Variants in ANKLE1 observed in about 807,000 individuals in gnomAD.
ANKLE1 encodes the protein structure-specific endonuclease ANKLE1.
A neutral mutation model predicts 56.2 loss-of-function variants in ANKLE1; 59 were observed. The observed-to-expected ratio is 1.05, with a 90% CI of 0.85 to 1.30. The LOEUF (loss-of-function observed/expected upper bound fraction) is 1.30. Among genes scored for constraint, ANKLE1 ranks in the 50% most tolerant of loss-of-function variants. The pLI is 0.00. For missense variants in ANKLE1, 771 were observed against 816.1 expected, an observed-to-expected ratio of 0.94 and a Z score of 0.67; for synonymous variants, 341 against 352.9, an observed-to-expected ratio of 0.97 and a Z score of 0.38.
In ANKLE1 at chr19:17,286,679, TG is replaced by T; in HGVS notation, c.*128del. 2 of 977,334 alleles carry T rather than the reference TG, an allele frequency of 2.0e-6. No individual in the cohort carries two copies. Among genetic ancestry groups the T allele is most frequent in the Admixed American group, 2.5e-5 (1 of 39,282 alleles). 60.5% of individuals were successfully genotyped at this position (977,334 alleles called of 1,614,324 possible). On this transcript the variant is annotated 3_prime_UTR_variant, in exon 9 of 9. Coordinates refer to ENST00000404085, the MANE Select transcript of ANKLE1 (RefSeq NM_152363.6). ...GTGTGTGTGTGTGTGTGTGTGTGTGTGTGTGTGTGTGTTTGTGTGTGTGTGT... is the reference window on the plus strand; with the variant it reads ...GTGTGTGTGTGTGTGTGTGTGTGTGTTGTGTGTGTGTTTGTGTGTGTGTGT...
Position 17,283,823 on chromosome 19 carries a change from C to T in ANKLE1, c.1059C>T (p.Cys353=), listed in dbSNP as rs1012761942. ...STGGREPVGP[C]RHLPVSTVSD... is the part of the protein sequence containing the mutation. ...GTGGCAGGGAACCTGTCGGCCCTTG[C>T]CGGCACCTGCCAGTCTCCACTGTGT... is the stretch of plus-strand genomic sequence containing the variant. The change falls in exon 5 of 9, where the codon TGC becomes TGT. Residue 353 remains cysteine, a synonymous_variant. Coordinates refer to ENST00000404085, the MANE Select transcript of ANKLE1 (RefSeq NM_152363.6). 1 of 1,613,208 alleles carries T rather than the reference C, an allele frequency of 6.2e-7. No individual in the cohort carries two copies. The highest frequency in any genetic ancestry group is 8.5e-7 in the Non-Finnish European group (1 of 1,179,894).
At position 17,282,862 on chromosome 19, in the gene ANKLE1, A is replaced by G. The variant is rs769493898; in HGVS notation, c.322-2A>G. On this transcript the variant is annotated splice_acceptor_variant, in intron 3 of 8. Coordinates refer to ENST00000404085, the MANE Select transcript of ANKLE1 (RefSeq NM_152363.6). LOFTEE classifies it high-confidence loss of function. ...CGCCCCCTGCTGACCGCGCCCCTGT[A>G]GGACGGACTCCGGCCGCTGGACCTG... The G allele has an allele frequency of 3.1e-6, 5 of 1,588,438 alleles. No homozygotes were observed. In the East Asian group the frequency reaches 1.1e-4, roughly 36 times the overall value.
Position 17,283,600 on chromosome 19 carries a change from C to T in ANKLE1, c.836C>T (p.Thr279Ile). 2 of 1,612,334 alleles carry T rather than the reference C, an allele frequency of 1.2e-6. No individual in the cohort carries two copies. The highest frequency in any genetic ancestry group is 1.7e-6 in the Non-Finnish European group (2 of 1,179,234). ...CTGAATGCCCGTCTGCAGGCCCTGA[C>T]TCTGACCCCACCAAATGCTGCTGGC... ...AELNARLQAL[T>I]LTPPNAAGFQ... The change falls in exon 5 of 9, where the codon ACT (threonine) becomes ATT (isoleucine). Residue 279 changes from threonine (T) to isoleucine (I), a missense_variant. Coordinates refer to ENST00000404085, the MANE Select transcript of ANKLE1 (RefSeq NM_152363.6).
At chr19:17,285,259 CAAA>C (rs11355867) in intron 6 of ANKLE1, among the ~76,000 whole-genome samples, 169 bp from the exon 7 acceptor site, 29 of 140,826 alleles carry the variant, frequency 2.1e-4, no homozygotes, top group Non-Finnish European at 2.5e-4. Flanking sequence ...AACTCTGTCT[CAAA>C]AAAAAAAAAA....
chr19:17,283,810 C>G lies in ANKLE1; in HGVS notation c.1046C>G (p.Pro349Arg). The change falls in exon 5 of 9, where the codon CCT becomes CGT. Residue 349 changes from proline to arginine, a missense_variant. Pro to Arg is a moderately radical substitution (Grantham distance 103). Transcript: ENST00000404085. ...GCAAGCTCTACAGGTGGCAGGGAAC[C>G]TGTCGGCCCTTGCCGGCACCTGCCA... ...DEASSTGGRE[P>R]VGPCRHLPVS... The G allele has an allele frequency of 1.2e-6, 2 of 1,613,420 alleles. No homozygotes were observed. The highest frequency in any genetic ancestry group is 1.7e-6 in the Non-Finnish European group (2 of 1,179,908).
chr19:17,283,223 A>G lies in ANKLE1; in HGVS notation c.461-2A>G, dbSNP rs368682290. Reference sequence around the variant, plus strand: ...CTCTCTGGCCCCCACTCTCACCTGCAGCCCCAGGCCTCTCTGGACCTACCG... The same window carrying G: ...CTCTCTGGCCCCCACTCTCACCTGCGGCCCCAGGCCTCTCTGGACCTACCG... On this transcript the variant is annotated splice_acceptor_variant, in intron 4 of 8. Transcript: ENST00000404085. LOFTEE classifies it high-confidence loss of function. 41 of 1,600,932 alleles carry G rather than the reference A, an allele frequency of 2.6e-5. No homozygotes were observed. The highest frequency in any genetic ancestry group is 4.0e-5 in the African/African-American group (3 of 74,412).
chr19:17,282,585 C>A, intron 2 of ANKLE1, 71 bp from the exon 3 acceptor site: 1 of 1,421,592 alleles, frequency 7.0e-7, no homozygotes, highest in Non-Finnish European at 9.6e-7. Context: ...GCTCCAGGTC[C>A]CCAGAGCGGA....
chr19:17,282,234 C>T, intron 2 of ANKLE1, 25 bp downstream of exon 2: 3 of 1,461,476 alleles, frequency 2.1e-6, no homozygotes, highest in Non-Finnish European at 2.7e-6. Context: ...GGGTCCGGGG[C>T]GGGGTCTCCC....
In ANKLE1 at chr19:17,286,956, G is replaced by A. The variant is rs1213047395; in HGVS notation, c.*404G>A. 1.3e-5 allele frequency: 4 copies of A among 318,600 alleles called. No individual in the cohort carries two copies. Among genetic ancestry groups the A allele is most frequent in the Non-Finnish European group, 1.9e-5 (4 of 210,504 alleles). 19.7% of individuals were successfully genotyped at this position (318,600 alleles called of 1,614,324 possible). On this transcript the variant is annotated 3_prime_UTR_variant, in exon 9 of 9. Coordinates refer to ENST00000404085, the MANE Select transcript of ANKLE1 (RefSeq NM_152363.6). ...TGGGCTGCATTCCCAGATGGTTAAAGCATTCTAAGTCACGGGATCAGGTAG... is the reference window on the plus strand; with the variant it reads ...TGGGCTGCATTCCCAGATGGTTAAAACATTCTAAGTCACGGGATCAGGTAG...
chr19:17,285,265 A>G (rs952434354), intron 6 of ANKLE1, among the ~76,000 whole-genome samples, 166 bp from the exon 7 acceptor site: 26 of 152,010 alleles, frequency 1.7e-4, no homozygotes, highest in Admixed American at 6.6e-4. Flanking sequence ...GTCTCAAAAA[A>G]AAAAAAAAAG....
intron 6 of ANKLE1, 78 bp downstream of exon 6, chr19:17,284,344 GA>G: frequency 7.1e-7 from 1 of 1,401,118 alleles, no homozygotes; most frequent in Non-Finnish European, 9.9e-7. Context: ...GTGCCCTTAA[GA>G]AAGGGACTGG....
rs1411727292 is a variant in ANKLE1 at position 17,283,562 on chromosome 19, C to T, written c.798C>T (p.Gly266=). 2 of 1,612,716 alleles carry T rather than the reference C, an allele frequency of 1.2e-6. No individual in the cohort carries two copies. Among genetic ancestry groups the T allele is most frequent in the Admixed American group, 3.3e-5 (2 of 60,000 alleles). The change falls in exon 5 of 9, where the codon GGC becomes GGT. Residue 266 remains glycine (G), a synonymous_variant. Coordinates refer to ENST00000404085, the MANE Select transcript of ANKLE1 (RefSeq NM_152363.6). ...HANQRVPRSQ[G]TEAELNARLQ... ...ACCAGAGGGTACCTAGGTCTCAGGG[C>T]ACGGAGGCAGAACTGAATGCCCGTC...
At chr19:17,284,371 C>G in intron 6 of ANKLE1, 105 bp downstream of exon 6, 1 of 1,041,906 alleles carries the variant, frequency 9.6e-7, no homozygotes, top group South Asian at 1.7e-5. Flanking sequence ...GAATCATCAG[C>G]TGCTTCTTCT....
At position 17,286,607 on chromosome 19, in the gene ANKLE1, C is replaced by T; in HGVS notation, c.*55C>T. The T allele has an allele frequency of 6.4e-7, 1 of 1,555,478 alleles. No homozygotes were observed. The highest frequency in any genetic ancestry group is 1.2e-5 in the South Asian group (1 of 84,572). On this transcript the variant is annotated 3_prime_UTR_variant, in exon 9 of 9. Coordinates refer to ENST00000404085, the MANE Select transcript of ANKLE1 (RefSeq NM_152363.6). ...GAGAAATGTTTGAATGTTCCAGCTG[C>T]CCCATGCTGACAGCAGCCCCCATCT...
At position 17,285,680 on chromosome 19, in the gene ANKLE1, G is replaced by A. The variant is rs2074023697; in HGVS notation, c.1537-1G>A. 6.2e-7 allele frequency: 1 copy of A among 1,613,784 alleles called. No homozygotes were observed. Among genetic ancestry groups the A allele is most frequent in the Non-Finnish European group, 8.5e-7 (1 of 1,179,878 alleles). On this transcript the variant is annotated splice_acceptor_variant, in intron 7 of 8. Transcript: ENST00000404085. LOFTEE classifies it high-confidence loss of function. ...GGTGCTGACTCCTGATTCTGCCCTAGCCCCACCAGGCCTGCCCCAAGGTGC... is the reference window on the plus strand; with the variant it reads ...GGTGCTGACTCCTGATTCTGCCCTAACCCCACCAGGCCTGCCCCAAGGTGC...
chr19:17,284,199 G>C lies in ANKLE1; in HGVS notation c.1309G>C (p.Asp437His), dbSNP rs117340138. The change falls in exon 6 of 9, where the codon GAT (aspartate) becomes CAT (histidine). Residue 437 changes from aspartate (D) to histidine (H), a missense_variant. By Grantham distance (81) the Asp-to-His change is moderately conservative. Coordinates refer to ENST00000404085, the MANE Select transcript of ANKLE1 (RefSeq NM_152363.6). ...GCTGGCCCAGCAGTTTGAGCAGCCA[G>C]ATCCTGCCAGGAGGTGGCGGGAGGG... ...DALAQQFEQP[D>H]PARRWREGVV... The C allele has an allele frequency of 6.8e-6, 11 of 1,613,894 alleles. No homozygotes were observed. The East Asian group carries it at 1.8e-4, about 26-fold the overall frequency.
intron 2 of ANKLE1, 23 bp downstream of exon 2, chr19:17,282,232 G>A (rs1382051752): frequency 1.4e-6 from 2 of 1,464,380 alleles, no homozygotes; most frequent in Non-Finnish European, 9.0e-7. Flanking sequence ...CTGGGTCCGG[G>A]GCGGGGTCTC....
At position 17,281,956 on chromosome 19, in the gene ANKLE1, G is replaced by A; in HGVS notation, c.36G>A (p.Arg12=). 6.5e-7 allele frequency: 1 copy of A among 1,534,378 alleles called. No individual in the cohort carries two copies. The highest frequency in any genetic ancestry group is 8.7e-7 in the Non-Finnish European group (1 of 1,145,412). ...AGGCCCGCCTGGCTCGCAGGTTGCG[G>A]GATGCGCTGCGGGAGGAGGAGCCGT... ...CSEARLARRL[R]DALREEEPWA... Residue 12 remains arginine, a synonymous_variant, in exon 1 of 9, where the codon CGG becomes CGA. Transcript: ENST00000404085.
chr19:17,285,463 C>T lies in ANKLE1; in HGVS notation c.1409C>T (p.Ser470Leu), dbSNP rs146189965. 7.9e-5 allele frequency: 128 copies of T among 1,613,878 alleles called. No individual in the cohort carries two copies. In the African/African-American group the frequency reaches 9.6e-4, roughly 12 times the overall value. Residue 470 changes from serine (S) to leucine (L), a missense_variant, in exon 7 of 9, where the codon TCA (serine) becomes TTA (leucine). Physicochemically the swap from Ser to Leu is moderately radical, Grantham distance 145 (BLOSUM62 -2). Coordinates refer to ENST00000404085, the MANE Select transcript of ANKLE1 (RefSeq NM_152363.6). ...ETQDLPARAF[S>L]LTPAERLQTF... ...CAGGACCTGCCAGCCCGAGCCTTCTCACTGACCCCAGCTGAGCGCCTTCAG... is the reference window on the plus strand; with the variant it reads ...CAGGACCTGCCAGCCCGAGCCTTCTTACTGACCCCAGCTGAGCGCCTTCAG...
Sources: allele counts gnomAD v4.1 joint callset (sites outside exome capture counted in the v4.1 genomes callset), GRCh38; gene constraint gnomAD v4.1.1; transcripts MANE v1.5; gene names NCBI Gene and HGNC (gene_info 2026-07-23, HGNC 2026-07-21).